TBC1D2: variants seen among roughly 807,000 people sequenced by gnomAD.
TBC1D2 encodes the protein TBC1 domain family member 2A.
A neutral mutation model predicts 91.1 loss-of-function variants in TBC1D2; 58 were observed. That is an observed-to-expected ratio of 0.64 (90% CI 0.52 to 0.79). The LOEUF is 0.79. Among genes scored for constraint, TBC1D2 ranks in the 30% least tolerant of loss-of-function variants. The pLI, the probability that TBC1D2 is intolerant of heterozygous loss-of-function variation, is 0.00. For synonymous variants in TBC1D2, 482 were observed against 511.5 expected, an observed-to-expected ratio of 0.94 and a Z score of 0.78; for missense variants, 1,080 against 1,208.3, an observed-to-expected ratio of 0.89 and a Z score of 1.57.
intron 4 of TBC1D2, among the ~76,000 whole-genome samples, chr9:98,230,704 G>A (rs925120906): frequency 5.9e-5 from 9 of 151,746 alleles, no homozygotes; most frequent in Non-Finnish European, 7.4e-5. Context: ...AGGCTGAGGC[G>A]GGTAGATCAC....
Position 98,251,948 on chromosome 9 carries a change from T to C in TBC1D2, c.370-22A>G, listed in dbSNP as rs763061371. The C allele has an allele frequency of 1.9e-6, 3 of 1,589,666 alleles. No homozygotes were observed. In the Admixed American group the frequency reaches 5.3e-5, roughly 28 times the overall value. On this transcript the variant is annotated intron_variant, in intron 1 of 12. Coordinates refer to ENST00000465784, the MANE Select transcript of TBC1D2 (RefSeq NM_001267571.2). ...CGGCCTGAGAAGCACAAGGATTAGT[T>C]GGCAAGGCCCTGTGCCTGAAGGGTG...
At chr9:98,221,839 C>T (rs1829110024) in intron 5 of TBC1D2, among the ~76,000 whole-genome samples, 1 of 152,164 alleles carries the variant, frequency 6.6e-6, no homozygotes, top group Admixed American at 6.5e-5. Flanking sequence ...GCTGATCCTC[C>T]CACCTTAGCC....
In TBC1D2 at chr9:98,209,254, G is replaced by A. The variant is rs114569582; in HGVS notation, c.1674-110C>T. On this transcript the variant is annotated intron_variant, in intron 8 of 12. Coordinates refer to ENST00000465784, the MANE Select transcript of TBC1D2 (RefSeq NM_001267571.2). ...AGGTTCCTGCCCTGCCTTCACTGAGGGTTAACCACACAGCTCTGGGCAGGT... is the reference window on the plus strand; with the variant it reads ...AGGTTCCTGCCCTGCCTTCACTGAGAGTTAACCACACAGCTCTGGGCAGGT... The A allele has an allele frequency of 2.1e-3, 2,161 of 1,029,200 alleles. 33 individuals carry two copies. In the African/African-American group the frequency reaches 0.031, roughly 15 times the overall value. The allele number at this position is 1,029,200 out of a possible 1,614,324, so 63.8% of individuals were successfully genotyped here. A position where few individuals can be genotyped will look rare whatever the true frequency, so the allele number is the denominator to read the frequency against.
At chr9:98,218,393 C>T (rs1829019210) in intron 6 of TBC1D2, among the ~76,000 whole-genome samples, 1 of 144,682 alleles carries the variant, frequency 6.9e-6, no homozygotes, top group African/African-American at 2.6e-5. Flanking sequence ...GGTGAAACCC[C>T]GTCTCTACTA....
chr9:98,235,676 C>CT (rs1301458651), intron 3 of TBC1D2: 1 of 288,872 alleles, frequency 3.5e-6, no homozygotes, highest in East Asian at 1.1e-4. Context: ...AATAAATTGT[C>CT]TTTTTCAGAG....
At chr9:98,232,769 G>T (rs1051154282) in intron 4 of TBC1D2, among the ~76,000 whole-genome samples, 2 of 152,152 alleles carry the variant, frequency 1.3e-5, no homozygotes, top group African/African-American at 4.8e-5. Flanking sequence ...AACTGGTGTT[G>T]GTACAATATG....
chr9:98,231,097 G>A (rs913696709), intron 4 of TBC1D2, among the ~76,000 whole-genome samples: 14 of 152,060 alleles, frequency 9.2e-5, no homozygotes, highest in African/African-American at 3.4e-4. Context: ...CACCAACTCT[G>A]AGGACAGGCA....
intron 1 of TBC1D2, among the ~76,000 whole-genome samples, chr9:98,254,937 C>T (rs1829942121): frequency 1.3e-5 from 2 of 152,192 alleles, no homozygotes; most frequent in Admixed American, 6.5e-5. Flanking sequence ...CGAGCCAGTC[C>T]TTTCATCTCC....
rs775744738 is a variant in TBC1D2 at position 98,199,439 on chromosome 9, C to T, written c.2729G>A (p.Arg910Gln). The change falls in exon 13 of 13, where the codon CGG becomes CAG. Residue 910 changes from arginine (R) to glutamine (Q), a missense_variant. Transcript: ENST00000465784. ...KAEYLERRAS[R>Q]RRAVSEGCAS... ...ACAGCCCTCGGACACAGCTCTGCGCCGGGATGCCCGCCTCTCCAGGTACTC... is the reference window on the plus strand; with the variant it reads ...ACAGCCCTCGGACACAGCTCTGCGCTGGGATGCCCGCCTCTCCAGGTACTC... The T allele has an allele frequency of 2.9e-5, 47 of 1,613,862 alleles. No individual in the cohort carries two copies. In the Middle Eastern group the frequency reaches 5.0e-4, roughly 17 times the overall value.
intron 5 of TBC1D2, among the ~76,000 whole-genome samples, chr9:98,223,097 T>C (rs912152104): frequency 2.0e-5 from 3 of 152,200 alleles, no homozygotes; most frequent in Admixed American, 1.3e-4. Flanking sequence ...GGAATGAACA[T>C]GACCCACCAC....
chr9:98,249,993 G>A lies in TBC1D2; in HGVS notation c.511+1792C>T, dbSNP rs77383552. ...AAAGTCCCCACCCTTAAGGGCTAGCGGGTGGAGATGGACAAGGACGGGGGT... is the reference window on the plus strand; with the variant it reads ...AAAGTCCCCACCCTTAAGGGCTAGCAGGTGGAGATGGACAAGGACGGGGGT... On this transcript the variant is annotated intron_variant, in intron 2 of 12. Coordinates refer to ENST00000465784, the MANE Select transcript of TBC1D2 (RefSeq NM_001267571.2). 5.1e-3 allele frequency among the ~76,000 whole-genome samples: 775 copies of A among 152,192 alleles called. 8 individuals are homozygous for A. Among genetic ancestry groups the A allele is most frequent in the African/African-American group, 0.017 (716 of 41,536 alleles).
intron 3 of TBC1D2, among the ~76,000 whole-genome samples, chr9:98,235,942 G>C (rs1191742463): frequency 6.6e-6 from 1 of 151,870 alleles, no homozygotes; most frequent in African/African-American, 2.4e-5. Context: ...GGCTGAGGCA[G>C]GAGAATGGCA....
At chr9:98,224,018 T>G (rs1443709087) in intron 5 of TBC1D2, among the ~76,000 whole-genome samples, 1 of 151,750 alleles carries the variant, frequency 6.6e-6, no homozygotes, top group Non-Finnish European at 1.5e-5. Flanking sequence ...GCTAACATGG[T>G]GAAACCCCGT....
chr9:98,199,717 G>C, intron 12 of TBC1D2, 129 bp from the exon 13 acceptor site: 1 of 903,380 alleles, frequency 1.1e-6, no homozygotes, highest in Non-Finnish European at 1.8e-6. Flanking sequence ...GCCCTCAGGA[G>C]GAAACAATGA....
intron 1 of TBC1D2, among the ~76,000 whole-genome samples, 165 bp downstream of exon 1, chr9:98,255,008 A>G (rs988807371): frequency 6.6e-6 from 1 of 152,192 alleles, no homozygotes; most frequent in African/African-American, 2.4e-5. Context: ...TGGGAACCCA[A>G]TGAGGAAATG....
chr9:98,235,314 G>A (rs1227655551), intron 3 of TBC1D2: 1 of 401,562 alleles, frequency 2.5e-6, no homozygotes, highest in Non-Finnish European at 5.0e-6. Flanking sequence ...GGTGCAGATC[G>A]TGAGAAGATA....
chr9:98,210,657 T>C lies in TBC1D2; in HGVS notation c.1672A>G (p.Ser558Gly). Residue 558 changes from serine (S) to glycine (G), a missense_variant and splice_region_variant, in exon 8 of 13, where the codon AGT becomes GGT. Coordinates refer to ENST00000465784, the MANE Select transcript of TBC1D2 (RefSeq NM_001267571.2). ...CCCTTCCTGGGCCGCCAGGCTCACC[T>C]GATGGGGCTCAGCTCGATGCTGTCA... is the stretch of plus-strand genomic sequence containing the variant. ...SSDSIELSPISKYDEYGFLTV... is the reference protein window; with the variant it reads ...SSDSIELSPIGKYDEYGFLTV... The C allele has an allele frequency of 6.3e-7, 1 of 1,585,996 alleles. No individual in the cohort carries two copies. Among genetic ancestry groups the C allele is most frequent in the Non-Finnish European group, 8.6e-7 (1 of 1,163,430 alleles).
intron 3 of TBC1D2, 35 bp downstream of exon 3, chr9:98,243,959 A>G (rs200276830): frequency 6.3e-7 from 1 of 1,582,096 alleles, no homozygotes; most frequent in Non-Finnish European, 8.6e-7. Context: ...GGCTGCCTGC[A>G]GCTTGGCTAG....
In TBC1D2 at chr9:98,199,303, GCCACTGGT is replaced by G; in HGVS notation, c.*70_*77del. 6.6e-7 allele frequency: 1 copy of G among 1,514,858 alleles called. No homozygotes were observed. 93.8% of individuals were successfully genotyped at this position (1,514,858 alleles called of 1,614,324 possible). A position where few individuals can be genotyped will look rare whatever the true frequency, so the allele number is the denominator to read the frequency against. Reference sequence around the variant, plus strand: ...ATGGTGATGGGACACCCAGGGCTGGGCCACTGGTCCGTGCCTGACCTCCAGTGGGTCTG... The same window carrying G: ...ATGGTGATGGGACACCCAGGGCTGGGCCGTGCCTGACCTCCAGTGGGTCTG... On this transcript the variant is annotated 3_prime_UTR_variant, in exon 13 of 13. Coordinates refer to ENST00000465784, the MANE Select transcript of TBC1D2 (RefSeq NM_001267571.2).
Sources: allele counts gnomAD v4.1 joint callset (sites outside exome capture counted in the v4.1 genomes callset), GRCh38; gene constraint gnomAD v4.1.1; transcripts MANE v1.5; gene names NCBI Gene and HGNC (gene_info 2026-07-23, HGNC 2026-07-21).